Variants in ROBO2 observed in about 807,000 individuals in gnomAD.
ROBO2 encodes roundabout homolog 2.
Under a neutral mutation model 160.8 loss-of-function variants are expected in ROBO2, and 53 were observed. That is an observed-to-expected ratio of 0.33 (90% CI 0.26 to 0.41). The LOEUF is 0.41. Among genes scored for constraint, ROBO2 ranks in the 10% least tolerant of loss-of-function variants. The pLI, the probability that ROBO2 is intolerant of heterozygous loss-of-function variation, is 1.00. For missense variants in ROBO2, 1,577 were observed against 1,722.4 expected (o/e 0.92, Z 1.49); for synonymous variants, 664 against 611.7 (o/e 1.09, Z -1.26).
intron 6 of ROBO2, among the ~76,000 whole-genome samples, chr3:77,539,048 G>A (rs2092325625): frequency 6.6e-6 from 1 of 152,114 alleles, no homozygotes; most frequent in South Asian, 2.1e-4. Context: ...CTCCTGAGGA[G>A]CCGGGATTAC....
chr3:76,373,839 G>T (rs2076219379), intron 2 of ROBO2, among the ~76,000 whole-genome samples: 2 of 151,934 alleles, frequency 1.3e-5, no homozygotes, highest in South Asian at 4.2e-4. Context: ...GATCGTTGCT[G>T]GGCTCACTCG....
intron 2 of ROBO2, among the ~76,000 whole-genome samples, chr3:76,558,279 G>T (rs1232309489): frequency 2.0e-5 from 3 of 151,906 alleles, no homozygotes; most frequent in African/African-American, 7.2e-5. Flanking sequence ...CAGAATAAAA[G>T]AATATAATTT....
intron 2 of ROBO2, among the ~76,000 whole-genome samples, chr3:76,758,806 A>G (rs1292240531): frequency 6.6e-6 from 1 of 151,886 alleles, no homozygotes; most frequent in Non-Finnish European, 1.5e-5. Flanking sequence ...GATCACACCA[A>G]GGAATTATAG....
intron 2 of ROBO2, among the ~76,000 whole-genome samples, chr3:76,556,838 C>A (rs1444381425): frequency 6.6e-6 from 1 of 152,036 alleles, no homozygotes; most frequent in Non-Finnish European, 1.5e-5. Flanking sequence ...ATAAGTTGTA[C>A]AACAGCCTGA....
intron 2 of ROBO2, among the ~76,000 whole-genome samples, chr3:76,786,360 C>T (rs1383534529): frequency 6.6e-6 from 1 of 151,274 alleles, no homozygotes; most frequent in East Asian, 1.9e-4. Flanking sequence ...ATTTAATTGG[C>T]TCATGGTTCT....
At chr3:77,293,028 T>G (rs543294446) in intron 2 of ROBO2, among the ~76,000 whole-genome samples, 20 of 148,544 alleles carry the variant, frequency 1.3e-4, no homozygotes, top group African/African-American at 4.2e-4. Flanking sequence ...ACCAAAGACA[T>G]AAAGTAAAAT....
intron 1 of ROBO2, among the ~76,000 whole-genome samples, chr3:77,049,824 G>C (rs2065038014): frequency 6.6e-6 from 1 of 152,106 alleles, no homozygotes; most frequent in South Asian, 2.1e-4. Flanking sequence ...GTTTAAGCAA[G>C]GAACACCCAG....
intron 2 of ROBO2, among the ~76,000 whole-genome samples, chr3:77,327,237 A>C (rs1048128191): frequency 1.3e-5 from 2 of 152,218 alleles, no homozygotes; most frequent in African/African-American, 4.8e-5. Flanking sequence ...CAGTTCTATG[A>C]GAATACTTCT....
intron 2 of ROBO2, among the ~76,000 whole-genome samples, chr3:77,160,473 T>C (rs1193291303): frequency 6.6e-6 from 1 of 152,176 alleles, no homozygotes; most frequent in African/African-American, 2.4e-5. Context: ...ACTGGCTGAA[T>C]TAGACATTTT....
At chr3:76,866,506 T>A (rs1213403164) in intron 2 of ROBO2, among the ~76,000 whole-genome samples, 2 of 152,136 alleles carry the variant, frequency 1.3e-5, no homozygotes, top group African/African-American at 4.8e-5. Flanking sequence ...AAATAGTTGG[T>A]TTTATTAATT....
chr3:77,311,373 T>C (rs140267453), intron 2 of ROBO2, among the ~76,000 whole-genome samples: 75 of 152,310 alleles, frequency 4.9e-4, no homozygotes, highest in African/African-American at 1.7e-3. Flanking sequence ...AGATAAACTG[T>C]ATATTTGCAA....
At chr3:76,343,554 C>A (rs1457907633) in intron 2 of ROBO2, among the ~76,000 whole-genome samples, 1 of 151,378 alleles carries the variant, frequency 6.6e-6, no homozygotes, top group African/African-American at 2.4e-5. Context: ...AACGTAACTG[C>A]GGTTTTTGCC....
At chr3:76,665,932 TAC>T (rs2092008253) in intron 2 of ROBO2, among the ~76,000 whole-genome samples, 1 of 140,522 alleles carries the variant, frequency 7.1e-6, no homozygotes, top group Non-Finnish European at 1.5e-5. Flanking sequence ...ATATGTAATA[TAC>T]ATATAATATA....
In ROBO2 at chr3:75,913,795, GT is replaced by G. The variant is rs1946698859; in HGVS notation, c.-14+6842del. Among the ~76,000 whole-genome samples the G allele has an allele frequency of 2.6e-5, 4 of 152,176 alleles. No homozygotes were observed. The South Asian group carries it at 8.3e-4, about 32-fold the overall frequency. On this transcript the variant is annotated intron_variant, in intron 1 of 26. Coordinates refer to the ROBO2 transcript ENST00000487694. ...TATAAGAAAGCACAGAAAGGTTGGT[GT>G]TTTTTTAACCTTTGCAGAATATAAA...
In ROBO2 at chr3:76,898,260, A is replaced by G. The variant is rs2074964165; in HGVS notation, c.110-199754A>G. On this transcript the variant is annotated intron_variant, in intron 2 of 26. Coordinates refer to the ROBO2 transcript ENST00000487694. ...TTTTAAAGTGCTATTTTACAATTTG[A>G]ATTGCCTTTATAATTGTAGTACAGT... Among the ~76,000 whole-genome samples the G allele has an allele frequency of 2.0e-5, 3 of 152,096 alleles. No individual in the cohort carries two copies. The South Asian group carries it at 6.2e-4, about 31-fold the overall frequency.
chr3:76,230,477 A>T (rs1294290323), intron 2 of ROBO2, among the ~76,000 whole-genome samples: 1 of 152,244 alleles, frequency 6.6e-6, no homozygotes, highest in East Asian at 1.9e-4. Context: ...GTGCTAAGCC[A>T]CATCATCTTC....
exon 26 of ROBO2, chr3:77,649,714 T>C (rs894043093): frequency 3.9e-5 from 6 of 152,168 alleles, no homozygotes; most frequent in Admixed American, 6.5e-5. Context: ...AAAGCATTTG[T>C]TGTGATTTTA....
intron 2 of ROBO2, among the ~76,000 whole-genome samples, chr3:76,993,572 G>A (rs2060813608): frequency 1.3e-5 from 2 of 152,030 alleles, no homozygotes; most frequent in African/African-American, 4.8e-5. Context: ...CTTGAATCTT[G>A]TTAAAAGGCT....
chr3:76,463,131 A>T (rs2078175334), intron 2 of ROBO2, among the ~76,000 whole-genome samples: 1 of 152,150 alleles, frequency 6.6e-6, no homozygotes, highest in Non-Finnish European at 1.5e-5. Flanking sequence ...CCCGCTGGGA[A>T]AACAGTGAAA....
Sources: gnomAD v4.1 joint callset for allele counts (sites outside exome capture counted in the v4.1 genomes callset) on GRCh38, gnomAD v4.1.1 for gene constraint, MANE v1.5 for transcripts, NCBI Gene and HGNC (gene_info 2026-07-23, HGNC 2026-07-21) for gene names.